Variants in D2HGDH observed in about 807,000 individuals in gnomAD.
The protein encoded by D2HGDH is D-2-hydroxyglutarate dehydrogenase.
In D2HGDH, 31 loss-of-function variants were observed where a neutral mutation model predicts 46.9. The observed-to-expected ratio is 0.66, with a 90% CI of 0.50 to 0.89. The LOEUF (loss-of-function observed/expected upper bound fraction) is 0.89, where lower values mean the gene tolerates loss of function less well. Ranked by LOEUF, D2HGDH falls within the 40% of genes least tolerant of loss-of-function variation. The pLI is 0.00. For missense variants in D2HGDH, 698 were observed against 720.8 expected, an observed-to-expected ratio of 0.97 and a Z score of 0.36; for synonymous variants, 364 against 332.6, an observed-to-expected ratio of 1.09 and a Z score of -1.03.
chr2:241,756,090 T>G (rs1698144538), intron 9 of D2HGDH, 76 bp downstream of exon 9: 3 of 1,505,204 alleles, frequency 2.0e-6, no homozygotes, highest in Non-Finnish European at 2.7e-6. Context: ...CCTGCCAGGC[T>G]TCGAGGCAGG....
rs565547561 is a variant in D2HGDH at position 241,755,711 on chromosome 2, G to A, written c.1141-138G>A. 112 of 1,567,888 alleles carry A rather than the reference G, an allele frequency of 7.1e-5. No homozygotes were observed. In the East Asian group the frequency reaches 1.9e-3, roughly 26 times the overall value. Reference sequence around the variant, plus strand: ...GGGTTGGAGCCACACCTGGTCTGGGGCATTTGCTGTCCGGGGTCGGAGCCT... The same window carrying A: ...GGGTTGGAGCCACACCTGGTCTGGGACATTTGCTGTCCGGGGTCGGAGCCT... On this transcript the variant is annotated intron_variant, in intron 8 of 9. Coordinates refer to ENST00000321264, the MANE Select transcript of D2HGDH (RefSeq NM_152783.5).
chr2:241,758,575 C>G (rs375039704), intron 9 of D2HGDH, among the ~76,000 whole-genome samples: 2 of 151,860 alleles, frequency 1.3e-5, no homozygotes, highest in Non-Finnish European at 2.9e-5. Flanking sequence ...CAAGCAGGCC[C>G]GCCACCTCAC....
In D2HGDH at chr2:241,735,212, C is replaced by CGTCCCGGCGGCGATGCT. The variant is rs758328440; in HGVS notation, c.-11_6dup. 3.5e-5 allele frequency: 52 copies of CGTCCCGGCGGCGATGCT among 1,506,900 alleles called. No individual in the cohort carries two copies. The highest frequency in any genetic ancestry group is 7.9e-6 in the Non-Finnish European group (9 of 1,136,250). 93.3% of individuals were successfully genotyped at this position (1,506,900 alleles called of 1,614,324 possible). ...CCACCAAGGAGGAGCCCGAGGTCTC[C>CGTCCCGGCGGCGATGCT]GTCCCGGCGGCGATGCTGCCCCGTC... is the stretch of plus-strand genomic sequence containing the variant. On this transcript the variant is annotated 5_prime_UTR_variant, in exon 2 of 10. In the 5' UTR this introduces an upstream ATG that the reference lacks. Transcript: ENST00000321264.
At chr2:241,739,917 G>A (rs1422884124) in intron 2 of D2HGDH, among the ~76,000 whole-genome samples, 4 of 152,254 alleles carry the variant, frequency 2.6e-5, no homozygotes, top group African/African-American at 7.2e-5. Flanking sequence ...GGCTGAGGTG[G>A]GTGGATTGCT....
At chr2:241,767,609 G>C (rs533159666) in intron 9 of D2HGDH, 101 bp from the exon 10 acceptor site, 2 of 1,550,156 alleles carry the variant, frequency 1.3e-6, no homozygotes, top group Non-Finnish European at 8.8e-7. Flanking sequence ...CGGGGGTCTC[G>C]GGGTTGCTGG....
At position 241,750,156 on chromosome 2, in the gene D2HGDH, C is replaced by T. The variant is rs1023042150; in HGVS notation, c.859C>T (p.Pro287Ser). Reference protein sequence around the residue: ...RAVNVAFLGCPGFAEVLQTFS... With the variant: ...RAVNVAFLGCSGFAEVLQTFS... ...CATGCTGTGACCCGTTTCAGGCTGC[C>T]CAGGCTTTGCTGAGGTTCTGCAGAC... Residue 287 changes from proline (P) to serine (S), a missense_variant, in exon 7 of 10, where the codon CCA (proline) becomes TCA (serine). Pro to Ser is a moderately conservative substitution (Grantham distance 74). Coordinates refer to ENST00000321264, the MANE Select transcript of D2HGDH (RefSeq NM_152783.5). 6.2e-7 allele frequency: 1 copy of T among 1,614,014 alleles called. No homozygotes were observed. The highest frequency in any genetic ancestry group is 1.1e-5 in the South Asian group (1 of 91,082).
At chr2:241,752,966 C>G (rs965235918) in intron 8 of D2HGDH, among the ~76,000 whole-genome samples, 1 of 151,792 alleles carries the variant, frequency 6.6e-6, no homozygotes. Context: ...CCCAACGCCC[C>G]CAGCCTCTGC....
intron 8 of D2HGDH, among the ~76,000 whole-genome samples, chr2:241,753,833 C>A (rs1697696915): frequency 6.6e-6 from 1 of 152,206 alleles, no homozygotes; most frequent in Admixed American, 6.5e-5. Context: ...GTGACCAGGG[C>A]GGGAGAAGCC....
chr2:241,747,944 G>A (rs1276278011), intron 6 of D2HGDH, among the ~76,000 whole-genome samples: 1 of 152,062 alleles, frequency 6.6e-6, no homozygotes, highest in African/African-American at 2.4e-5. Flanking sequence ...CTTGCTTCTG[G>A]CCCTGACTTC....
chr2:241,744,979 G>A lies in D2HGDH; in HGVS notation c.853+102G>A, dbSNP rs4675884. On this transcript the variant is annotated intron_variant, in intron 6 of 9. Transcript: ENST00000321264. ...GAGGAAGGGGATGGAGGGACCCCCC[G>A]CCAAGGACAGTCGGTTCCCGTGTCT... 112 of 1,447,068 alleles carry A rather than the reference G, an allele frequency of 7.7e-5. 1 individual carries two copies. The highest frequency in any genetic ancestry group is 7.0e-4 in the East Asian group (30 of 42,912). The allele number at this position is 1,447,068 out of a possible 1,614,324, so 89.6% of individuals were successfully genotyped here.
chr2:241,755,176 C>T, intron 8 of D2HGDH: 2 of 1,302,360 alleles, frequency 1.5e-6, no homozygotes, highest in Non-Finnish European at 2.0e-6. Context: ...TCCTTCCTCC[C>T]CCGTGGCCCG....
chr2:241,743,897 G>T lies in D2HGDH; in HGVS notation c.684+82G>T, dbSNP rs950035361. On this transcript the variant is annotated intron_variant, in intron 5 of 9. Coordinates refer to ENST00000321264, the MANE Select transcript of D2HGDH (RefSeq NM_152783.5). The surrounding 1 kb of genome is among the most constrained non-coding windows in gnomAD (Gnocchi z 4.8). ...CTCATGGGCCCACGTGGTGGCACAG[G>T]TGCATGGGGCCCCTCGGGGTGGGAG... 213 of 1,500,984 alleles carry T rather than the reference G, an allele frequency of 1.4e-4. No individual in the cohort carries two copies. The highest frequency in any genetic ancestry group is 1.9e-4 in the Non-Finnish European group (207 of 1,107,066). The allele number at this position is 1,500,984 out of a possible 1,614,324, so 93.0% of individuals were successfully genotyped here.
intron 3 of D2HGDH, among the ~76,000 whole-genome samples, chr2:241,741,342 A>G (rs1409142403): frequency 6.6e-6 from 1 of 152,152 alleles, no homozygotes. Flanking sequence ...CTCCTCCCCC[A>G]TGAACACACT....
chr2:241,767,576 G>A, intron 9 of D2HGDH, 134 bp from the exon 10 acceptor site: 2 of 1,293,076 alleles, frequency 1.5e-6, no homozygotes, highest in South Asian at 1.3e-5. Flanking sequence ...TCCAGGGCGA[G>A]TGGCATGAGG....
At position 241,742,562 on chromosome 2, in the gene D2HGDH, C is replaced by T. The variant is rs1255927587; in HGVS notation, c.478C>T (p.His160Tyr). 1 of 1,614,002 alleles carries T rather than the reference C, an allele frequency of 6.2e-7. No homozygotes were observed. The highest frequency in any genetic ancestry group is 8.5e-7 in the Non-Finnish European group (1 of 1,180,030). ...CCGCATGAACCGGGTCCTCAGCTTCCACAGCGTGTCTGGTAAGCCTGTGCC... is the reference window on the plus strand; with the variant it reads ...CCGCATGAACCGGGTCCTCAGCTTCTACAGCGTGTCTGGTAAGCCTGTGCC... Reference protein sequence around the residue: ...TARMNRVLSFHSVSGILVCQA... With the variant: ...TARMNRVLSFYSVSGILVCQA... Residue 160 changes from histidine to tyrosine, a missense_variant, in exon 4 of 10, where the codon CAC (histidine) becomes TAC (tyrosine). Transcript: ENST00000321264. This position sits in a 1 kb window ranked among gnomAD's most constrained non-coding sequence, Gnocchi z 4.8.
intron 6 of D2HGDH, among the ~76,000 whole-genome samples, chr2:241,746,242 G>C (rs979954549): frequency 6.6e-6 from 1 of 152,036 alleles, no homozygotes; most frequent in East Asian, 1.9e-4. Flanking sequence ...GTGTCTCTCT[G>C]TGCTGCATTC....
intron 2 of D2HGDH, chr2:241,735,898 G>C (rs1395814422): frequency 3.8e-6 from 1 of 260,910 alleles, no homozygotes; most frequent in African/African-American, 2.3e-5. Context: ...TAGTAGCTGC[G>C]ACTACAGGCG....
rs571851378 is a variant in D2HGDH at position 241,737,117 on chromosome 2, C to T, written c.292+1601C>T. ...CCGAGTAGCTGGGACTACAGGCGCC[C>T]GCCACCACGCCCGGCTCATTCTTTT... On this transcript the variant is annotated intron_variant, in intron 2 of 9. Transcript: ENST00000321264. Among the ~76,000 whole-genome samples the T allele has an allele frequency of 1.8e-3, 268 of 152,226 alleles. 2 individuals carry two copies. The highest frequency in any genetic ancestry group is 0.01 in the Admixed American group (156 of 15,290).
chr2:241,748,789 G>A lies in D2HGDH; in HGVS notation c.854-1362G>A, dbSNP rs779257460. ...GCTTCTGCCGACTTACTCTCTGGGC[G>A]GCAGTGCCATCTGGATCGGTGGTTC... On this transcript the variant is annotated intron_variant, in intron 6 of 9. Coordinates refer to ENST00000321264, the MANE Select transcript of D2HGDH (RefSeq NM_152783.5). The A allele has an allele frequency of 1.2e-5, 14 of 1,121,284 alleles. No homozygotes were observed. The South Asian group carries it at 1.6e-4, about 13-fold the overall frequency. The allele number at this position is 1,121,284 out of a possible 1,614,324, so 69.5% of individuals were successfully genotyped here.
Sources: gnomAD v4.1 joint callset for allele counts (sites outside exome capture counted in the v4.1 genomes callset) on GRCh38, gnomAD v4.1.1 for gene constraint, Gnocchi (gnomAD v3.1) non-coding constraint, MANE v1.5 for transcripts, NCBI Gene and HGNC (gene_info 2026-07-23, HGNC 2026-07-21) for gene names.